Variants in MDN1 observed in about 807,000 individuals in gnomAD.
MDN1 encodes midasin.
In MDN1, 266 loss-of-function variants were observed where a neutral mutation model predicts 669.2. The observed-to-expected ratio is 0.40, with a 90% CI of 0.36 to 0.44. The LOEUF (loss-of-function observed/expected upper bound fraction) is 0.44. Among genes scored for constraint, MDN1 ranks in the 20% least tolerant of loss-of-function variants. The probability of loss-of-function intolerance (pLI) is 1.00; values close to 1 mark genes in which losing one functional copy is unlikely to be tolerated. For synonymous variants in MDN1, 2,385 were observed against 2,457.1 expected (o/e 0.97, Z 0.87); for missense variants, 5,940 against 6,754.0 (o/e 0.88, Z 4.22).
intron 15 of MDN1, among the ~76,000 whole-genome samples, chr6:89,766,197 G>T (rs1301679698): frequency 6.6e-6 from 1 of 152,056 alleles, no homozygotes; most frequent in African/African-American, 2.4e-5. Flanking sequence ...TACTCAGGAG[G>T]CTGAGGGAGA....
chr6:89,652,237 T>C lies in MDN1; in HGVS notation c.15870A>G (p.Arg5290=). The C allele has an allele frequency of 6.2e-7, 1 of 1,614,038 alleles. No individual in the cohort carries two copies. The highest frequency in any genetic ancestry group is 1.1e-5 in the South Asian group (1 of 91,062). Residue 5290 remains arginine (R), a synonymous_variant, in exon 95 of 102, where the codon AGA becomes AGG. Coordinates refer to ENST00000369393, the MANE Select transcript of MDN1 (RefSeq NM_014611.3). ...DVNELRQELE[R]QLEMWQPRES... ...CACGTGGCTGCCACATTTCCAGCTGTCTCTCCAGCTCCTGTCTTAGCTCAT... is the reference window on the plus strand; with the variant it reads ...CACGTGGCTGCCACATTTCCAGCTGCCTCTCCAGCTCCTGTCTTAGCTCAT...
Position 89,803,494 on chromosome 6 carries a change from T to C in MDN1, c.163A>G (p.Lys55Glu). ...LSTLAQLLLDKDCTVLVGRQL... is the reference protein window; with the variant it reads ...LSTLAQLLLDEDCTVLVGRQL... Reference sequence around the variant, plus strand: ...CGACCAACCAGCACAGTACAGTCCTTATCCAAAAGCAACTGTGCTAAGGTA... The same window carrying C: ...CGACCAACCAGCACAGTACAGTCCTCATCCAAAAGCAACTGTGCTAAGGTA... Residue 55 changes from lysine (K) to glutamate (E), a missense_variant, in exon 2 of 102, where the codon AAG becomes GAG. Coordinates refer to ENST00000369393, the MANE Select transcript of MDN1 (RefSeq NM_014611.3). 1 of 1,614,002 alleles carries C rather than the reference T, an allele frequency of 6.2e-7. No homozygotes were observed.
intron 71 of MDN1, 114 bp from the exon 72 acceptor site, chr6:89,684,018 G>C (rs1322610513): frequency 1.3e-6 from 1 of 764,608 alleles, no homozygotes; most frequent in South Asian, 1.6e-5. Context: ...ACACAGGACT[G>C]TGTGTCAGTG....
intron 33 of MDN1, among the ~76,000 whole-genome samples, chr6:89,734,966 C>T (rs1236205006): frequency 2.7e-5 from 4 of 150,130 alleles, no homozygotes; most frequent in East Asian, 2.0e-4. Flanking sequence ...TCTTGGCTCA[C>T]GGCAACCTCC....
At chr6:89,688,539 A>AC in intron 66 of MDN1, 34 bp downstream of exon 66, 2 of 1,584,822 alleles carry the variant, frequency 1.3e-6, no homozygotes, top group Non-Finnish European at 1.7e-6. Context: ...CAGACTCAGT[A>AC]CTGTGAGCAC....
chr6:89,764,482 G>A (rs751742885), intron 15 of MDN1, among the ~76,000 whole-genome samples: 1 of 152,182 alleles, frequency 6.6e-6, no homozygotes, highest in Non-Finnish European at 1.5e-5. Context: ...GTGTGCCCCT[G>A]TAGTCCCAGT....
intron 85 of MDN1, among the ~76,000 whole-genome samples, chr6:89,663,515 A>G (rs2128301691): frequency 6.6e-6 from 1 of 152,362 alleles, no homozygotes; most frequent in Middle Eastern, 3.4e-3. Context: ...AGTTATCTCC[A>G]ATTGGACAGA....
chr6:89,717,760 G>C (rs1814494259), intron 43 of MDN1, among the ~76,000 whole-genome samples: 2 of 152,156 alleles, frequency 1.3e-5, no homozygotes, highest in Admixed American at 6.5e-5. Flanking sequence ...CAAGAAGTGG[G>C]ATGTCTGATT....
chr6:89,760,878 T>C (rs1176821648), intron 17 of MDN1, among the ~76,000 whole-genome samples: 1 of 152,062 alleles, frequency 6.6e-6, no homozygotes, highest in East Asian at 1.9e-4. Flanking sequence ...TACAAAGCCT[T>C]GGCCAGGCGC....
At chr6:89,683,939 TA>T (rs1811824302) in intron 71 of MDN1, 35 bp from the exon 72 acceptor site, 1 of 1,469,330 alleles carries the variant, frequency 6.8e-7, no homozygotes, top group Non-Finnish European at 9.5e-7. Context: ...AATGGCTTTA[TA>T]AAGCTAGTGT....
chr6:89,715,603 G>A, intron 45 of MDN1, 50 bp downstream of exon 45: 1 of 1,116,458 alleles, frequency 9.0e-7, no homozygotes, highest in Non-Finnish European at 1.4e-6. Context: ...GTCTACCTCT[G>A]CTACTGAGGC....
intron 1 of MDN1, among the ~76,000 whole-genome samples, chr6:89,816,836 A>G (rs1227043561): frequency 6.6e-6 from 1 of 151,894 alleles, no homozygotes; most frequent in East Asian, 1.9e-4. Flanking sequence ...CACCATGCCC[A>G]GCTAATTTTT....
rs377131071 is a variant in MDN1 at position 89,718,761 on chromosome 6, G to C, written c.6321+6C>G. ...TTGCCAGAAAATATGAAGGCAGACT[G>C]GTTACCTGCTCAAATCCACCCAGCA... On this transcript the variant is annotated splice_donor_region_variant and intron_variant, in intron 42 of 101. Transcript: ENST00000369393. The C allele has an allele frequency of 2.5e-5, 40 of 1,612,796 alleles. No individual in the cohort carries two copies. The highest frequency in any genetic ancestry group is 2.0e-4 in the Admixed American group (12 of 59,998).
chr6:89,763,401 G>C (rs1326090898), intron 15 of MDN1, among the ~76,000 whole-genome samples: 1 of 149,268 alleles, frequency 6.7e-6, no homozygotes, highest in East Asian at 1.9e-4. Context: ...AGCTCAACTT[G>C]TACTTCTTAG....
At chr6:89,728,052 G>A in intron 36 of MDN1, 97 bp from the exon 37 acceptor site, 1 of 1,386,496 alleles carries the variant, frequency 7.2e-7, no homozygotes, top group South Asian at 1.4e-5. Context: ...CTTGGGGCTG[G>A]CACCACTACT....
chr6:89,750,429 G>C lies in MDN1; in HGVS notation c.3331C>G (p.His1111Asp). The change falls in exon 24 of 102, where the codon CAC becomes GAC. Residue 1111 changes from histidine (H) to aspartate (D), a missense_variant. By Grantham distance (81) the His-to-Asp change is moderately conservative. Coordinates refer to ENST00000369393, the MANE Select transcript of MDN1 (RefSeq NM_014611.3). ...TGNHCVRINN[H>D]EHTDIQEYIG... The stretch of plus-strand genomic sequence containing the variant: ...TACTCCTGAATATCCGTGTGTTCGT[G>C]ATTATTAATACGCACACAGTGGTTG... The C allele has an allele frequency of 6.2e-7, 1 of 1,613,938 alleles. No individual in the cohort carries two copies. Among genetic ancestry groups the C allele is most frequent in the South Asian group, 1.1e-5 (1 of 91,076 alleles).
At position 89,790,379 on chromosome 6, in the gene MDN1, C is replaced by T. The variant is rs1409551590; in HGVS notation, c.878G>A (p.Arg293His). ...GELGGNRSSSREQELALRSYV... is the reference protein window; with the variant it reads ...GELGGNRSSSHEQELALRSYV... ...AGACCTAAGGGCCAGCTCCTGTTCA[C>T]GTGAAGAACTCCTATTACCACCCTA... Residue 293 changes from arginine to histidine, a missense_variant, in exon 6 of 102, where the codon CGT (arginine) becomes CAT (histidine). Arg to His is a conservative substitution (Grantham distance 29). Coordinates refer to ENST00000369393, the MANE Select transcript of MDN1 (RefSeq NM_014611.3). The T allele has an allele frequency of 6.2e-6, 10 of 1,613,834 alleles. No individual in the cohort carries two copies. Among genetic ancestry groups the T allele is most frequent in the South Asian group, 3.3e-5 (3 of 90,962 alleles).
At chr6:89,765,199 G>A (rs1175852035) in intron 15 of MDN1, among the ~76,000 whole-genome samples, 1 of 152,174 alleles carries the variant, frequency 6.6e-6, no homozygotes, top group Non-Finnish European at 1.5e-5. Flanking sequence ...AGAGGTTGCA[G>A]TGAGCCAAGA....
chr6:89,745,113 G>A (rs530803350), intron 29 of MDN1, among the ~76,000 whole-genome samples, 160 bp downstream of exon 29: 12 of 60,618 alleles, frequency 2.0e-4, no homozygotes, highest in African/African-American at 6.0e-4. Context: ...CCCAGCCCCC[G>A]ACCCACTCTT....
Sources: gnomAD v4.1 joint callset for allele counts (sites outside exome capture counted in the v4.1 genomes callset) on GRCh38, gnomAD v4.1.1 for gene constraint, MANE v1.5 for transcripts, NCBI Gene and HGNC (gene_info 2026-07-23, HGNC 2026-07-21) for gene names.